The following PATE1 variants were observed in gnomAD, a reference collection of about 807,000 sequenced individuals.
The protein encoded by PATE1 is prostate and testis expressed 1.
PATE1 carries 21 observed loss-of-function variants against 13.1 expected under a neutral mutation model. The observed-to-expected ratio is 1.61, with a 90% CI of 1.14 to 2.31. PATE1 has a LOEUF of 2.31. Among genes scored for constraint, PATE1 ranks in the 30% most tolerant of loss-of-function variants. The probability of loss-of-function intolerance (pLI) is 0.00; values close to 1 mark genes in which losing one functional copy is unlikely to be tolerated. For missense variants in PATE1, 166 were observed against 147.2 expected (o/e 1.13, Z -0.66); for synonymous variants, 52 against 47.1 (o/e 1.10, Z -0.43).
intron 2 of PATE1, among the ~76,000 whole-genome samples, chr11:125,746,928 C>T (rs1474021504): frequency 6.6e-6 from 1 of 151,946 alleles, no homozygotes; most frequent in Non-Finnish European, 1.5e-5. Flanking sequence ...CAGTGAAGGG[C>T]AAGGAAAAGG....
In PATE1 at chr11:125,749,586, T is replaced by C. The variant is rs1337566748; in HGVS notation, c.*853T>C. 1.3e-5 allele frequency: 2 copies of C among 152,158 alleles called. No individual in the cohort carries two copies. The highest frequency in any genetic ancestry group is 2.9e-5 in the Non-Finnish European group (2 of 68,034). 9.4% of individuals were successfully genotyped at this position (152,158 alleles called of 1,614,324 possible). A position where few individuals can be genotyped will look rare whatever the true frequency, so the allele number is the denominator to read the frequency against. On this transcript the variant is annotated 3_prime_UTR_variant, in exon 5 of 5. Coordinates refer to ENST00000305738, the MANE Select transcript of PATE1 (RefSeq NM_138294.3). ...GGGGTCTGAGGAAGCCATTTGAGTC[T>C]GGCCACTAGACATCTCATCAGCCAC...
At chr11:125,746,610 G>T in intron 1 of PATE1, 51 bp from the exon 2 acceptor site, 1 of 1,599,728 alleles carries the variant, frequency 6.3e-7, no homozygotes. Flanking sequence ...TTTGAGATGG[G>T]GTTTGGAAAA....
At chr11:125,748,365 C>T (rs1429511227) in intron 4 of PATE1, among the ~76,000 whole-genome samples, 2 of 152,162 alleles carry the variant, frequency 1.3e-5, no homozygotes, top group African/African-American at 4.8e-5. Context: ...TTTGGCAATC[C>T]CTGAATTACG....
Position 125,746,673 on chromosome 11 carries a change from C to G in PATE1, c.65C>G (p.Ser22Ter). ...LLCCFRALSG[S>*]LSMRNDAVNE... ...TTTTTTCCAACAGCATTATCTGGAT[C>G]ACTTTCAATGAGAAATGATGCAGGT... The change falls in exon 2 of 5, where the codon TCA (serine) becomes TGA (stop). Residue 22 changes from serine (S) to a stop codon, truncating the protein, a stop_gained. Coordinates refer to ENST00000305738, the MANE Select transcript of PATE1 (RefSeq NM_138294.3). LOFTEE classifies it high-confidence loss of function. 1 of 1,613,416 alleles carries G rather than the reference C, an allele frequency of 6.2e-7. No homozygotes were observed. Among genetic ancestry groups the G allele is most frequent in the Non-Finnish European group, 8.5e-7 (1 of 1,179,740 alleles).
At chr11:125,748,374 C>T (rs539030923) in intron 4 of PATE1, among the ~76,000 whole-genome samples, 13 of 152,278 alleles carry the variant, frequency 8.5e-5, no homozygotes, top group South Asian at 2.1e-4. Context: ...CCCTGAATTA[C>T]GGCTCTCCTT....
chr11:125,747,847 A>G, intron 4 of PATE1, 25 bp downstream of exon 4: 1 of 1,613,252 alleles, frequency 6.2e-7, no homozygotes, highest in Middle Eastern at 1.7e-4. Context: ...GGGGAAAAGA[A>G]GAACGGGCAG....
chr11:125,747,350 G>C (rs367717741), intron 2 of PATE1, 26 bp from the exon 3 acceptor site: 2 of 1,607,312 alleles, frequency 1.2e-6, no homozygotes, highest in Admixed American at 3.3e-5. Context: ...CATTTCAGAT[G>C]TGTTTTCTTT....
intron 4 of PATE1, 154 bp downstream of exon 4, chr11:125,747,976 G>A: frequency 8.4e-7 from 1 of 1,195,232 alleles, no homozygotes; most frequent in Non-Finnish European, 1.2e-6. Context: ...ATGCCGTAAT[G>A]AAAATTAGAT....
At chr11:125,746,488 C>T in intron 1 of PATE1, 132 bp downstream of exon 1, 1 of 1,299,330 alleles carries the variant, frequency 7.7e-7, no homozygotes, top group Non-Finnish European at 1.1e-6. Context: ...AATGTTATGC[C>T]TTCTACCAGG....
chr11:125,748,728 C>A lies in PATE1; in HGVS notation c.376C>A (p.Leu126Ile), dbSNP rs759773490. 4 of 1,612,718 alleles carry A rather than the reference C, an allele frequency of 2.5e-6. No individual in the cohort carries two copies. Among genetic ancestry groups the A allele is most frequent in the Non-Finnish European group, 3.4e-6 (4 of 1,179,612 alleles). Reference sequence around the variant, plus strand: ...GAGCCATGACCTGTGCAATGAAGACCTTTAGAAGTTAATGGTTCTTCTGTG... The same window carrying A: ...GAGCCATGACCTGTGCAATGAAGACATTTAGAAGTTAATGGTTCTTCTGTG... The part of the protein sequence containing the change: ...CRSHDLCNED[L>I] Residue 126 changes from leucine to isoleucine, a missense_variant, in exon 5 of 5, where the codon CTT becomes ATT. Coordinates refer to ENST00000305738, the MANE Select transcript of PATE1 (RefSeq NM_138294.3).
At position 125,747,075 on chromosome 11, in the gene PATE1, A is replaced by G. The variant is rs191457791; in HGVS notation, c.89-301A>G. On this transcript the variant is annotated intron_variant, in intron 2 of 4. Transcript: ENST00000305738. ...GTAAGAGTGCCACACAGAGTCAATT[A>G]AAAAGAAGGGAATGAAGCAAAAAAG... is the stretch of plus-strand genomic sequence containing the variant. Among the ~76,000 whole-genome samples, 15 of 152,312 alleles carry G rather than the reference A, an allele frequency of 9.8e-5. 1 individual carries two copies. Among genetic ancestry groups the G allele is most frequent in the African/African-American group, 3.1e-4 (13 of 41,560 alleles).
intron 1 of PATE1, 73 bp from the exon 2 acceptor site, chr11:125,746,588 G>T (rs498803): frequency 0.95 from 1,490,388 of 1,568,198 alleles, 708,539 homozygotes; most frequent in East Asian, 1. Context: ...TTGAGTGGAT[G>T]TTCATAGAAG....
rs1202167091 is a variant in PATE1, at chr11:125,747,413, T to G, written c.124+2T>G. The G allele has an allele frequency of 6.2e-7, 1 of 1,612,078 alleles. No homozygotes were observed. Among genetic ancestry groups the G allele is most frequent in the African/African-American group, 1.3e-5 (1 of 75,022 alleles). On this transcript the variant is annotated splice_donor_variant, in intron 3 of 4. Transcript: ENST00000305738. LOFTEE classifies it high-confidence loss of function. ...TTGCTGTGAAAAACAATTTTCCTGG[T>G]AAGTATGAAGAGGACCTGTCTGATC... is the stretch of plus-strand genomic sequence containing the variant.
intron 4 of PATE1, among the ~76,000 whole-genome samples, 157 bp from the exon 5 acceptor site, chr11:125,748,443 G>GA (rs1002963564): frequency 6.6e-6 from 1 of 152,174 alleles, no homozygotes; most frequent in Non-Finnish European, 1.5e-5. Context: ...CTTTTGGGAA[G>GA]CCCCCAGCTT....
Position 125,747,718 on chromosome 11 carries a change from G to A in PATE1, c.143G>A (p.Cys48Tyr). 1 of 1,613,684 alleles carries A rather than the reference G, an allele frequency of 6.2e-7. No homozygotes were observed. The change falls in exon 4 of 5, where the codon TGT becomes TAT. Residue 48 changes from cysteine to tyrosine, a missense_variant. Cys to Tyr is a radical substitution (Grantham distance 194). Transcript: ENST00000305738. ...GGCCAAGTGATAGAAATTGTTCAGT[G>A]TAGGATGTGCCACCTCCAGTTCCCA... The part of the protein sequence containing the change: ...NNFPVIEIVQ[C>Y]RMCHLQFPGE...
chr11:125,747,762 G>A lies in PATE1; in HGVS notation c.187G>A (p.Gly63Arg). 6.2e-7 allele frequency: 1 copy of A among 1,613,942 alleles called. No homozygotes were observed. The highest frequency in any genetic ancestry group is 8.5e-7 in the Non-Finnish European group (1 of 1,179,862). ...GTTCCCAGGAGAAAAGTGCTCCAGA[G>A]GAAGAGGAATATGCACAGCAACAAC... ...LQFPGEKCSR[G>R]RGICTATTEE... Residue 63 changes from glycine (G) to arginine (R), a missense_variant, in exon 4 of 5, where the codon GGA becomes AGA. Gly to Arg is a moderately radical substitution (Grantham distance 125). Coordinates refer to ENST00000305738, the MANE Select transcript of PATE1 (RefSeq NM_138294.3).
rs1277457071 is a variant in PATE1, at chr11:125,749,775, A to G, written c.*1042A>G. 1 of 152,152 alleles carries G rather than the reference A, an allele frequency of 6.6e-6. No individual in the cohort carries two copies. The highest frequency in any genetic ancestry group is 1.5e-5 in the Non-Finnish European group (1 of 68,032). 9.4% of individuals were successfully genotyped at this position (152,152 alleles called of 1,614,324 possible). ...GAGGCTGATTTCTAACGAAACTTGT[A>G]GAATGAAGCCTGGAAAGAGTGATGA... On this transcript the variant is annotated 3_prime_UTR_variant, in exon 5 of 5. Coordinates refer to ENST00000305738, the MANE Select transcript of PATE1 (RefSeq NM_138294.3).
chr11:125,746,692 T>C lies in PATE1; in HGVS notation c.84T>C (p.Asp28=), dbSNP rs764927231. The C allele has an allele frequency of 5.0e-6, 8 of 1,613,412 alleles. No homozygotes were observed. The African/African-American group carries it at 8.0e-5, about 16-fold the overall frequency. The part of the protein sequence containing the change: ...ALSGSLSMRN[D]AVNEIVAVKN... ...CTGGATCACTTTCAATGAGAAATGATGCAGGTGAGTAGGAATAGATAAGTG... is the reference window on the plus strand; with the variant it reads ...CTGGATCACTTTCAATGAGAAATGACGCAGGTGAGTAGGAATAGATAAGTG... The change falls in exon 2 of 5, where the codon GAT becomes GAC. Residue 28 remains aspartate (D), a synonymous_variant. Transcript: ENST00000305738.
chr11:125,747,175 G>A (rs771156497), intron 2 of PATE1, among the ~76,000 whole-genome samples: 8 of 152,112 alleles, frequency 5.3e-5, no homozygotes, highest in South Asian at 2.1e-4. Flanking sequence ...GAGAAGCCCC[G>A]AAGAGGTGAA....
Sources: gnomAD v4.1 joint callset for allele counts (sites outside exome capture counted in the v4.1 genomes callset) on GRCh38, gnomAD v4.1.1 for gene constraint, MANE v1.5 for transcripts, NCBI Gene and HGNC (gene_info 2026-07-23, HGNC 2026-07-21) for gene names.